EIF3L: variants seen among roughly 807,000 people sequenced by gnomAD.
The protein encoded by EIF3L is eukaryotic translation initiation factor 3 subunit L, also known as eIEF associated protein HSPC021.
A neutral mutation model predicts 74.6 loss-of-function variants in EIF3L; 32 were observed. The observed-to-expected ratio is 0.43, with a 90% CI of 0.32 to 0.58. The LOEUF (loss-of-function observed/expected upper bound fraction) is 0.58. Among genes scored for constraint, EIF3L ranks in the 20% least tolerant of loss-of-function variants. EIF3L has a pLI of 0.06. For synonymous variants in EIF3L, 256 were observed against 254.4 expected (o/e 1.01, Z -0.06); for missense variants, 474 against 707.8 (o/e 0.67, Z 3.75).
rs929364322 is a variant in EIF3L, at chr22:37,862,268, A to G, written c.436-701A>G. ...AAAGTTGTGTTTCTTCTCCATCACAAATACATTGCTCATGGTATGGTTCCC... is the reference window on the plus strand; with the variant it reads ...AAAGTTGTGTTTCTTCTCCATCACAGATACATTGCTCATGGTATGGTTCCC... On this transcript the variant is annotated intron_variant, in intron 5 of 12. Coordinates refer to ENST00000652021, the MANE Select transcript of EIF3L (RefSeq NM_016091.4). Among the ~76,000 whole-genome samples the G allele has an allele frequency of 2.0e-5, 3 of 152,176 alleles. No individual in the cohort carries two copies. The East Asian group carries it at 5.8e-4, about 29-fold the overall frequency.
intron 8 of EIF3L, among the ~76,000 whole-genome samples, chr22:37,874,134 CA>C (rs371008866): frequency 7.5e-5 from 11 of 145,734 alleles, no homozygotes; most frequent in African/African-American, 7.5e-5. Context: ...GTGTTGGGAC[CA>C]AAAAAAAAAT....
Position 37,873,009 on chromosome 22 carries a change from G to A in EIF3L, c.752-1361G>A, listed in dbSNP as rs1490385189. Among the ~76,000 whole-genome samples the A allele has an allele frequency of 5.3e-5, 8 of 151,396 alleles. No individual in the cohort carries two copies. The East Asian group carries it at 1.5e-3, about 29-fold the overall frequency. On this transcript the variant is annotated intron_variant, in intron 8 of 12. Coordinates refer to ENST00000652021, the MANE Select transcript of EIF3L (RefSeq NM_016091.4). ...CTTTTTTTATTTTTATTTTTTTTGA[G>A]ACAGAGTCTTGCTCTGTAGCCCAGG...
chr22:37,857,186 C>T (rs920958945), intron 4 of EIF3L, among the ~76,000 whole-genome samples: 1 of 151,548 alleles, frequency 6.6e-6, no homozygotes, highest in Non-Finnish European at 1.5e-5. Flanking sequence ...ACGGTGAAAC[C>T]CCGTCTCTAC....
intron 4 of EIF3L, 69 bp downstream of exon 4, chr22:37,855,713 T>C (rs1462053989): frequency 2.4e-5 from 32 of 1,346,876 alleles, no homozygotes; most frequent in Admixed American, 1.1e-4. Context: ...GACAGGAAGC[T>C]CAAGAGGGTC....
In EIF3L at chr22:37,889,377, G is replaced by A. The variant is rs1432048926; in HGVS notation, c.*913G>A. The A allele has an allele frequency of 6.6e-6, 1 of 152,012 alleles. No individual in the cohort carries two copies. Among genetic ancestry groups the A allele is most frequent in the East Asian group, 1.9e-4 (1 of 5,180 alleles). 9.4% of individuals were successfully genotyped at this position (152,012 alleles called of 1,614,324 possible). A position where few individuals can be genotyped will look rare whatever the true frequency, so the allele number is the denominator to read the frequency against. ...TAAATTGAATTCTTAAATCCCTCTTGTTCATAAAGCAGTATATTTGGTTTA... is the reference window on the plus strand; with the variant it reads ...TAAATTGAATTCTTAAATCCCTCTTATTCATAAAGCAGTATATTTGGTTTA... On this transcript the variant is annotated 3_prime_UTR_variant, in exon 13 of 13. Coordinates refer to ENST00000652021, the MANE Select transcript of EIF3L (RefSeq NM_016091.4).
rs368428342 is a variant in EIF3L at position 37,888,489 on chromosome 22, C to G, written c.*25C>G. ...ATGATATTCACACACATTCAGGAAC[C>G]TGTTTTGATGTATTATAGGCAGGAA... On this transcript the variant is annotated 3_prime_UTR_variant, in exon 13 of 13. Transcript: ENST00000652021. 6.2e-7 allele frequency: 1 copy of G among 1,612,446 alleles called. No individual in the cohort carries two copies.
At chr22:37,858,427 T>A in intron 4 of EIF3L, 1 of 458,644 alleles carries the variant, frequency 2.2e-6, no homozygotes, top group Non-Finnish European at 3.8e-6. Context: ...TGCACTTGGA[T>A]GGCAGAAGTC....
intron 4 of EIF3L, among the ~76,000 whole-genome samples, chr22:37,857,020 G>A (rs1925553605): frequency 6.6e-6 from 1 of 151,524 alleles, no homozygotes; most frequent in African/African-American, 2.4e-5. Context: ...GAGAGGAATT[G>A]CCTAGAATCT....
chr22:37,871,444 T>TG (rs1450996068), intron 8 of EIF3L, among the ~76,000 whole-genome samples: 6 of 152,212 alleles, frequency 3.9e-5, no homozygotes, highest in African/African-American at 1.4e-4. Flanking sequence ...TATGAGCAGT[T>TG]GCAGTCAGAA....
chr22:37,858,888 G>A, intron 5 of EIF3L, 148 bp downstream of exon 5: 2 of 715,568 alleles, frequency 2.8e-6, no homozygotes, highest in Non-Finnish European at 2.3e-6. Flanking sequence ...GCGGTGGAAG[G>A]AACAGTTTAA....
chr22:37,858,185 A>G (rs1925639064), intron 4 of EIF3L, among the ~76,000 whole-genome samples: 1 of 150,790 alleles, frequency 6.6e-6, no homozygotes. Flanking sequence ...TCAAACAAAC[A>G]AACAACATTC....
chr22:37,873,460 G>C (rs569504410), intron 8 of EIF3L, among the ~76,000 whole-genome samples: 18 of 151,742 alleles, frequency 1.2e-4, no homozygotes, highest in African/African-American at 4.4e-4. Context: ...ACCATGCCCG[G>C]CTAATTTTTT....
chr22:37,863,355 C>CAGCTTCAGCCTAATTTGAAAT lies in EIF3L; in HGVS notation c.579+12_579+32dup. ...TGAGTTCATCTACCAGGTATCTGGT[C>CAGCTTCAGCCTAATTTGAAAT]AGCTTCAGCCTAATTTGAAATAACT... On this transcript the variant is annotated intron_variant, in intron 7 of 12. Coordinates refer to ENST00000652021, the MANE Select transcript of EIF3L (RefSeq NM_016091.4). The CAGCTTCAGCCTAATTTGAAAT allele has an allele frequency of 6.3e-7, 1 of 1,598,826 alleles. No homozygotes were observed. Among genetic ancestry groups the CAGCTTCAGCCTAATTTGAAAT allele is most frequent in the Non-Finnish European group, 8.5e-7 (1 of 1,171,050 alleles).
intron 4 of EIF3L, among the ~76,000 whole-genome samples, chr22:37,858,219 C>CTTTTTTTTTTTTTTTTTT (rs549425262): frequency 1.2e-5 from 1 of 85,086 alleles, no homozygotes; most frequent in African/African-American, 4.9e-5. Flanking sequence ...TTCTTTCTTC[C>CTTTTTTTTTTTTTTTTTT]TTTTTTTTTT....
rs866125030 is a variant in EIF3L, at chr22:37,880,022, C to G, written c.1575+1851C>G. On this transcript the variant is annotated intron_variant, in intron 11 of 12. Transcript: ENST00000652021. ...TTCACTATGTTGACCAGACTGGTCT[C>G]CAACTCCTGACCTTGTGATCCGCCC... 1.3e-4 allele frequency: 20 copies of G among 152,200 alleles called. 1 individual carries two copies. Among genetic ancestry groups the G allele is most frequent in the Middle Eastern group, 3.4e-3 (1 of 296 alleles). The allele number at this position is 152,200 out of a possible 1,614,324, so 9.4% of individuals were successfully genotyped here. A position where few individuals can be genotyped will look rare whatever the true frequency, so the allele number is the denominator to read the frequency against.
chr22:37,863,723 C>CT (rs1220920110), intron 7 of EIF3L, among the ~76,000 whole-genome samples: 1 of 152,074 alleles, frequency 6.6e-6, no homozygotes, highest in East Asian at 1.9e-4. Flanking sequence ...CAGAGCCTCA[C>CT]TTTCTTTACC....
At chr22:37,876,293 T>A in intron 10 of EIF3L, 3 of 217,076 alleles carry the variant, frequency 1.4e-5, no homozygotes, top group Non-Finnish European at 8.6e-6. Flanking sequence ...CAACACCGGC[T>A]AATTTTTTTT....
At chr22:37,885,688 A>C (rs1601786971) in intron 11 of EIF3L, 1 of 148,302 alleles carries the variant, frequency 6.7e-6, no homozygotes, top group Non-Finnish European at 1.5e-5. Flanking sequence ...TTGTCACCCA[A>C]GCTGGAGTGC....
chr22:37,850,107 T>C (rs1207318516), intron 2 of EIF3L, 44 bp downstream of exon 2: 1 of 1,608,150 alleles, frequency 6.2e-7, no homozygotes, highest in Admixed American at 1.7e-5. Context: ...TAGGGATCAG[T>C]TCCTTTGGAA....
Sources: allele counts gnomAD v4.1 joint callset (sites outside exome capture counted in the v4.1 genomes callset), GRCh38; gene constraint gnomAD v4.1.1; transcripts MANE v1.5; gene names NCBI Gene and HGNC (gene_info 2026-07-23, HGNC 2026-07-21).